Variants in CCSER1 observed in about 807,000 individuals in gnomAD.
The protein encoded by CCSER1 is serine-rich coiled-coil domain-containing protein 1.
CCSER1 carries 41 observed loss-of-function variants against 82.0 expected under a neutral mutation model. That is an observed-to-expected ratio of 0.50 (90% CI 0.39 to 0.65). CCSER1 has a LOEUF of 0.65. CCSER1 is among the 30% of genes least tolerant of loss of function. CCSER1 has a pLI of 0.00. For synonymous variants in CCSER1, 414 were observed against 383.9 expected (o/e 1.08, Z -0.92); for missense variants, 1,119 against 1,064.2 (o/e 1.05, Z -0.72).
chr4:91,188,407 TCTG>T (rs201011717), intron 10 of CCSER1, among the ~76,000 whole-genome samples: 2,722 of 152,310 alleles, frequency 0.018, 29 homozygotes, highest in Middle Eastern at 0.027. Flanking sequence ...ATTCAAAACT[TCTG>T]CTACTGTTAT....
chr4:91,481,453 G>A (rs995687330), intron 10 of CCSER1, among the ~76,000 whole-genome samples: 3 of 152,032 alleles, frequency 2.0e-5, no homozygotes, highest in African/African-American at 4.8e-5. Context: ...CAGGTTGGTT[G>A]AGGACCTACC....
intron 9 of CCSER1, among the ~76,000 whole-genome samples, chr4:90,991,702 C>T (rs1305275124): frequency 6.6e-6 from 1 of 152,002 alleles, no homozygotes; most frequent in Non-Finnish European, 1.5e-5. Context: ...AATAAAGTCA[C>T]GTCCATAGCT....
intron 10 of CCSER1, among the ~76,000 whole-genome samples, chr4:91,165,560 C>T (rs1284195670): frequency 4.6e-5 from 7 of 152,234 alleles, no homozygotes; most frequent in Admixed American, 6.5e-5. Context: ...GGCAGCAGGC[C>T]TTGCAGAGCT....
chr4:90,405,303 T>A (rs183418459), intron 4 of CCSER1, among the ~76,000 whole-genome samples: 1,548 of 151,978 alleles, frequency 0.01, 17 homozygotes, highest in South Asian at 0.03. Flanking sequence ...CCCAATTCAT[T>A]AAAGACAAAG....
At chr4:90,921,933 A>T (rs973715902) in intron 8 of CCSER1, among the ~76,000 whole-genome samples, 10 of 152,042 alleles carry the variant, frequency 6.6e-5, no homozygotes, top group African/African-American at 2.4e-4. Flanking sequence ...TCTTCATCCC[A>T]ATCAATATGT....
intron 1 of CCSER1, among the ~76,000 whole-genome samples, chr4:90,164,378 A>T (rs113579532): frequency 1.7e-3 from 257 of 152,110 alleles, no homozygotes; most frequent in African/African-American, 5.9e-3. Flanking sequence ...AGATATGAAG[A>T]TAATCGCAAA....
chr4:91,152,339 C>T (rs980253854), intron 10 of CCSER1, among the ~76,000 whole-genome samples: 1 of 152,170 alleles, frequency 6.6e-6, no homozygotes, highest in Non-Finnish European at 1.5e-5. Flanking sequence ...AGATCTTCCT[C>T]CATCCCCTTA....
intron 3 of CCSER1, among the ~76,000 whole-genome samples, chr4:90,385,130 T>A (rs565368207): frequency 6.6e-5 from 10 of 152,328 alleles, no homozygotes; most frequent in African/African-American, 2.4e-4. Context: ...TACTCATCGG[T>A]TGATGGACAC....
intron 4 of CCSER1, among the ~76,000 whole-genome samples, chr4:90,455,447 G>A (rs1160169042): frequency 6.6e-6 from 1 of 152,178 alleles, no homozygotes; most frequent in Non-Finnish European, 1.5e-5. Context: ...GAGTCTGAGG[G>A]TCAAAGGGGT....
At chr4:91,543,765 G>A (rs1560751387) in intron 10 of CCSER1, among the ~76,000 whole-genome samples, 1 of 152,062 alleles carries the variant, frequency 6.6e-6, no homozygotes, top group African/African-American at 2.4e-5. Context: ...TGGTGAATCT[G>A]ACAATTATGT....
chr4:90,351,763 A>C (rs1223834705), intron 3 of CCSER1, among the ~76,000 whole-genome samples: 1 of 152,146 alleles, frequency 6.6e-6, no homozygotes. Context: ...TCTTTGCATA[A>C]AATTTTTTGT....
At chr4:91,227,273 A>G (rs146407920) in intron 10 of CCSER1, among the ~76,000 whole-genome samples, 18 of 152,028 alleles carry the variant, frequency 1.2e-4, no homozygotes, top group African/African-American at 4.1e-4. Context: ...ACTTAAAACA[A>G]CAGACAATAT....
chr4:91,437,407 C>T (rs147049383), intron 10 of CCSER1, among the ~76,000 whole-genome samples: 43 of 152,238 alleles, frequency 2.8e-4, no homozygotes, highest in African/African-American at 7.9e-4. Context: ...TTTGCAGCTA[C>T]GTAATTATAG....
intron 9 of CCSER1, among the ~76,000 whole-genome samples, chr4:91,046,142 AG>A (rs1742463123): frequency 6.6e-6 from 1 of 151,992 alleles, no homozygotes; most frequent in Non-Finnish European, 1.5e-5. Context: ...TTGGGCTCAG[AG>A]GCCTGACAAT....
intron 4 of CCSER1, among the ~76,000 whole-genome samples, chr4:90,450,087 C>T (rs181562908): frequency 5.3e-5 from 8 of 152,272 alleles, no homozygotes; most frequent in Admixed American, 2.6e-4. Flanking sequence ...TTCACTGCTT[C>T]GTGCTGACAA....
At chr4:91,346,119 G>T (rs1203395905) in intron 10 of CCSER1, among the ~76,000 whole-genome samples, 2 of 151,674 alleles carry the variant, frequency 1.3e-5, no homozygotes, top group African/African-American at 4.9e-5. Context: ...CACGTCCCGG[G>T]TTCAATCCAT....
At chr4:90,492,847 C>A (rs1424506160) in intron 5 of CCSER1, among the ~76,000 whole-genome samples, 1 of 152,098 alleles carries the variant, frequency 6.6e-6, no homozygotes, top group Non-Finnish European at 1.5e-5. Context: ...GTTTCTTAAT[C>A]CTGAGTTCTA....
At chr4:90,469,516 TCCTGCAAAA>T (rs1281968265) in intron 5 of CCSER1, among the ~76,000 whole-genome samples, 1 of 130,420 alleles carries the variant, frequency 7.7e-6, no homozygotes, top group Non-Finnish European at 1.6e-5. Context: ...AAATGTGTTT[TCCTGCAAAA>T]CACACACACA....
At chr4:91,416,386 C>G (rs1189440025) in intron 10 of CCSER1, among the ~76,000 whole-genome samples, 1 of 151,908 alleles carries the variant, frequency 6.6e-6, no homozygotes, top group Non-Finnish European at 1.5e-5. Flanking sequence ...AAAAAAGAGC[C>G]TGAATAGGAA....
Sources: allele counts gnomAD v4.1 joint callset (sites outside exome capture counted in the v4.1 genomes callset), GRCh38; gene constraint gnomAD v4.1.1; transcripts MANE v1.5; gene names NCBI Gene and HGNC (gene_info 2026-07-23, HGNC 2026-07-21).